The following LSAMP variants were observed in gnomAD, a reference collection of about 807,000 sequenced individuals.
LSAMP encodes limbic system associated membrane protein.
LSAMP carries 7 observed loss-of-function variants against 38.6 expected under a neutral mutation model. That is an observed-to-expected ratio of 0.18 (90% CI 0.10 to 0.34). LSAMP has a LOEUF of 0.34. LSAMP is among the 10% of genes least tolerant of loss of function. LSAMP has a pLI of 1.00. For synonymous variants in LSAMP, 154 were observed against 166.8 expected (o/e 0.92, Z 0.59); for missense variants, 313 against 420.0 (o/e 0.75, Z 2.23).
intron 1 of LSAMP, among the ~76,000 whole-genome samples, chr3:116,371,208 G>A: frequency 6.6e-6 from 1 of 152,014 alleles, no homozygotes; most frequent in Admixed American, 6.6e-5. Flanking sequence ...CATGAAGCTA[G>A]CATTACCCTG....
chr3:116,201,124 C>T (rs1321455817), intron 1 of LSAMP, among the ~76,000 whole-genome samples: 1 of 152,128 alleles, frequency 6.6e-6, no homozygotes, highest in Non-Finnish European at 1.5e-5. Context: ...CGCTCCCAGT[C>T]CCTCCCCGCT....
chr3:116,016,976 C>T (rs953202536), intron 3 of LSAMP, among the ~76,000 whole-genome samples: 12 of 152,062 alleles, frequency 7.9e-5, no homozygotes, highest in African/African-American at 2.9e-4. Flanking sequence ...ATATTGAAGC[C>T]TCCGGGGTCC....
intron 1 of LSAMP, among the ~76,000 whole-genome samples, chr3:116,133,195 A>G (rs970502495): frequency 2.0e-5 from 3 of 152,174 alleles, no homozygotes; most frequent in Non-Finnish European, 4.4e-5. Context: ...AACCTAGGAA[A>G]CTTTGAGCAG....
At chr3:116,115,806 GGTCCT>G (rs1559748912) in intron 1 of LSAMP, among the ~76,000 whole-genome samples, 2 of 151,858 alleles carry the variant, frequency 1.3e-5, no homozygotes, top group Non-Finnish European at 2.9e-5. Context: ...AATGATTTCT[GGTCCT>G]TTGAGTATGA....
chr3:115,864,497 G>A (rs1935802495), intron 3 of LSAMP, among the ~76,000 whole-genome samples: 2 of 152,076 alleles, frequency 1.3e-5, no homozygotes, highest in African/African-American at 4.8e-5. Flanking sequence ...TTGGATCTGC[G>A]TATTCTGAGA....
chr3:116,316,258 T>C (rs886865475), intron 1 of LSAMP, among the ~76,000 whole-genome samples: 2 of 152,140 alleles, frequency 1.3e-5, no homozygotes, highest in African/African-American at 4.8e-5. Flanking sequence ...TACTAATCAT[T>C]AGTAGTTATT....
chr3:115,991,780 G>A (rs1408614904), intron 3 of LSAMP, among the ~76,000 whole-genome samples: 8 of 151,564 alleles, frequency 5.3e-5, no homozygotes, highest in Non-Finnish European at 1.0e-4. Flanking sequence ...AGACAGGCAG[G>A]CTGTTACTAT....
chr3:116,389,312 C>T (rs1395094394), intron 1 of LSAMP, among the ~76,000 whole-genome samples: 3 of 152,046 alleles, frequency 2.0e-5, no homozygotes, highest in Non-Finnish European at 4.4e-5. Context: ...TTAAAAGGTG[C>T]TAGTCTGTAT....
chr3:115,832,166 T>G (rs1168745681), intron 6 of LSAMP, among the ~76,000 whole-genome samples: 1 of 152,122 alleles, frequency 6.6e-6, no homozygotes, highest in Non-Finnish European at 1.5e-5. Flanking sequence ...TGAGAGATAT[T>G]AATAATAAAG....
At chr3:116,307,760 TTA>T (rs886469000) in intron 1 of LSAMP, among the ~76,000 whole-genome samples, 28 of 151,964 alleles carry the variant, frequency 1.8e-4, no homozygotes, top group African/African-American at 6.5e-4. Flanking sequence ...GAGAAACAGC[TTA>T]TGATATACCA....
chr3:116,081,320 G>T (rs544927229), intron 2 of LSAMP, among the ~76,000 whole-genome samples: 2 of 152,178 alleles, frequency 1.3e-5, no homozygotes, highest in East Asian at 3.9e-4. Flanking sequence ...CAGGCATGAT[G>T]GCACGCGCCT....
At chr3:116,219,326 C>T (rs894290652) in intron 1 of LSAMP, among the ~76,000 whole-genome samples, 6 of 152,130 alleles carry the variant, frequency 3.9e-5, no homozygotes, top group East Asian at 1.9e-4. Context: ...TGTGTATATG[C>T]CAAACTGTCT....
At chr3:116,205,739 C>G (rs2046058040) in intron 1 of LSAMP, among the ~76,000 whole-genome samples, 1 of 58,172 alleles carries the variant, frequency 1.7e-5, no homozygotes. Flanking sequence ...AGCCTTGCAT[C>G]CCAGGGATGA....
chr3:115,978,693 G>GA (rs371411274), intron 3 of LSAMP, among the ~76,000 whole-genome samples: 2,290 of 140,990 alleles, frequency 0.016, 57 homozygotes, highest in African/African-American at 0.052. Context: ...AAGAATCAAT[G>GA]AAAAAAAAAA....
At chr3:116,378,529 C>T (rs1216242963) in intron 1 of LSAMP, among the ~76,000 whole-genome samples, 2 of 152,000 alleles carry the variant, frequency 1.3e-5, no homozygotes, top group African/African-American at 2.4e-5. Flanking sequence ...TCATAAAGAG[C>T]TACACTGTAT....
intron 1 of LSAMP, among the ~76,000 whole-genome samples, chr3:116,252,888 T>A (rs1481520542): frequency 6.6e-6 from 1 of 152,194 alleles, no homozygotes. Flanking sequence ...ACACTATACT[T>A]AACTGGAGAC....
At chr3:115,956,574 T>C (rs963113180) in intron 3 of LSAMP, among the ~76,000 whole-genome samples, 20 of 152,210 alleles carry the variant, frequency 1.3e-4, no homozygotes, top group African/African-American at 4.8e-4. Context: ...GTTTTAAAGA[T>C]GTCCTCCCTG....
At chr3:116,250,698 C>CA (rs3974284) in intron 1 of LSAMP, among the ~76,000 whole-genome samples, 96,196 of 141,888 alleles carry the variant, frequency 0.68, 35,274 homozygotes, top group Non-Finnish European at 0.82. Context: ...CTTGTATCTA[C>CA]AAAAAAAAAA....
intron 1 of LSAMP, among the ~76,000 whole-genome samples, chr3:116,381,550 T>C (rs1390952907): frequency 6.6e-6 from 1 of 152,106 alleles, no homozygotes; most frequent in East Asian, 1.9e-4. Flanking sequence ...AGAAAAATGA[T>C]TCACTCAACA....
Sources: allele counts gnomAD v4.1 joint callset (sites outside exome capture counted in the v4.1 genomes callset), GRCh38; gene constraint gnomAD v4.1.1; transcripts MANE v1.5; gene names NCBI Gene and HGNC (gene_info 2026-07-23, HGNC 2026-07-21).